The following NBEAL1 variants were observed in gnomAD, a reference collection of about 807,000 sequenced individuals.
The protein encoded by NBEAL1 is neurobeachin-like protein 1.
A neutral mutation model predicts 351.3 loss-of-function variants in NBEAL1; 273 were observed. The ratio of observed to expected loss-of-function variants is 0.78; its 90% CI spans 0.70 to 0.86. The LOEUF is 0.86. NBEAL1 is among the 40% of genes least tolerant of loss of function. The probability of loss-of-function intolerance (pLI) is 0.00; values close to 1 mark genes in which losing one functional copy is unlikely to be tolerated. For missense variants in NBEAL1, 2,961 were observed against 3,201.3 expected, an observed-to-expected ratio of 0.92 and a Z score of 1.81; for synonymous variants, 1,050 against 1,086.4, an observed-to-expected ratio of 0.97 and a Z score of 0.66.
chr2:203,173,441 T>C (rs1427960099), intron 41 of NBEAL1, among the ~76,000 whole-genome samples: 1 of 152,160 alleles, frequency 6.6e-6, no homozygotes, highest in Admixed American at 6.5e-5. Context: ...CCCTGTGAAC[T>C]TAGGGATGAC....
Position 203,201,624 on chromosome 2 carries a change from G to C in NBEAL1, c.7320G>C (p.Lys2440Asn), listed in dbSNP as rs753750483. The stretch of plus-strand genomic sequence containing the variant: ...TATTTGTAGTATCACATGATGCAAA[G>C]TTGCTCTTCAGTGCTGGATACTGGG... The part of the protein sequence containing the change: ...SKLFVVSHDA[K>N]LLFSAGYWDN... Residue 2440 changes from lysine to asparagine, a missense_variant, in exon 50 of 56, where the codon AAG becomes AAC. Lys to Asn is a moderately conservative substitution (Grantham distance 94). Coordinates refer to ENST00000683969, the MANE Select transcript of NBEAL1 (RefSeq NM_001378026.1). The C allele has an allele frequency of 3.1e-6, 5 of 1,612,770 alleles. No individual in the cohort carries two copies. The East Asian group carries it at 8.9e-5, about 29-fold the overall frequency.
chr2:203,190,395 T>C lies in NBEAL1; in HGVS notation c.6921+6T>C. On this transcript the variant is annotated splice_donor_region_variant and intron_variant, in intron 46 of 55. Transcript: ENST00000683969. ...CACCCTGTCAATTATTAAAGGTAAGTCAACAACTTAAGAAGTAGATTTAAG... is the reference window on the plus strand; with the variant it reads ...CACCCTGTCAATTATTAAAGGTAAGCCAACAACTTAAGAAGTAGATTTAAG... 4 of 1,578,764 alleles carry C rather than the reference T, an allele frequency of 2.5e-6. No individual in the cohort carries two copies. The highest frequency in any genetic ancestry group is 3.5e-6 in the Non-Finnish European group (4 of 1,155,342).
intron 51 of NBEAL1, among the ~76,000 whole-genome samples, chr2:203,207,105 G>GCCA (rs2065610142): frequency 6.7e-6 from 1 of 148,482 alleles, no homozygotes. Context: ...TCTCTGCCCG[G>GCCA]CCGCCCCGTC....
chr2:203,084,334 T>G, intron 9 of NBEAL1, 129 bp from the exon 10 acceptor site: 1 of 454,344 alleles, frequency 2.2e-6, no homozygotes, highest in Non-Finnish European at 3.9e-6. Flanking sequence ...TTTTGTGTGT[T>G]AGTGTCATTT....
intron 32 of NBEAL1, 38 bp downstream of exon 32, chr2:203,144,943 A>C: frequency 6.6e-7 from 1 of 1,525,180 alleles, no homozygotes; most frequent in Non-Finnish European, 8.8e-7. Flanking sequence ...TTTTCTGCTA[A>C]TTTACCATTT....
Position 203,223,986 on chromosome 2 carries a change from A to G in NBEAL1, c.*6632A>G, listed in dbSNP as rs549364148. On this transcript the variant is annotated 3_prime_UTR_variant, in exon 56 of 56. Coordinates refer to ENST00000683969, the MANE Select transcript of NBEAL1 (RefSeq NM_001378026.1). ...GAAAAACTGTCAGCGTCTGTTTTGT[A>G]TATAGGGATTAAAGAGGATAACTTT... is the stretch of plus-strand genomic sequence containing the variant. Among the ~76,000 whole-genome samples, 8 of 152,188 alleles carry G rather than the reference A, an allele frequency of 5.3e-5. No homozygotes were observed. In the South Asian group the frequency reaches 6.2e-4, roughly 12 times the overall value.
At chr2:203,032,934 G>T (rs1277868518) in intron 2 of NBEAL1, among the ~76,000 whole-genome samples, 2 of 151,514 alleles carry the variant, frequency 1.3e-5, no homozygotes, top group Non-Finnish European at 2.9e-5. Flanking sequence ...CAAAGTGCTG[G>T]GATTACAGGC....
intron 10 of NBEAL1, among the ~76,000 whole-genome samples, chr2:203,095,696 G>A (rs939801507): frequency 6.6e-6 from 1 of 152,078 alleles, no homozygotes; most frequent in African/African-American, 2.4e-5. Context: ...TGTTTCCCTT[G>A]ACCTAAATAT....
intron 8 of NBEAL1, among the ~76,000 whole-genome samples, chr2:203,078,882 A>G (rs2061824246): frequency 6.6e-6 from 1 of 152,204 alleles, no homozygotes; most frequent in Non-Finnish European, 1.5e-5. Flanking sequence ...TAATAAAACA[A>G]ATCTGTGACA....
Position 203,167,218 on chromosome 2 carries a change from C to G in NBEAL1, c.5864-9C>G. ...GGTATCTCAGTCACAAGATTTCTTC[C>G]GTTTTCAGGAGTAGGCTTTGATTTC... On this transcript the variant is annotated splice_polypyrimidine_tract_variant and intron_variant, in intron 37 of 55. Coordinates refer to ENST00000683969, the MANE Select transcript of NBEAL1 (RefSeq NM_001378026.1). 2 of 1,596,988 alleles carry G rather than the reference C, an allele frequency of 1.3e-6. No individual in the cohort carries two copies. The highest frequency in any genetic ancestry group is 2.7e-5 in the African/African-American group (2 of 73,890).
intron 2 of NBEAL1, among the ~76,000 whole-genome samples, chr2:203,033,239 A>C (rs923082757): frequency 1.3e-5 from 2 of 152,148 alleles, no homozygotes; most frequent in African/African-American, 2.4e-5. Context: ...TGACCTCGTG[A>C]TCTGCCCACC....
Position 203,202,775 on chromosome 2 carries a change from A to G in NBEAL1, c.7500A>G (p.Thr2500=), listed in dbSNP as rs775206371. 3.2e-6 allele frequency: 5 copies of G among 1,548,878 alleles called. No individual in the cohort carries two copies. The highest frequency in any genetic ancestry group is 3.6e-6 in the Non-Finnish European group (4 of 1,121,830). Reference sequence around the variant, plus strand: ...CTACATGTATGATATGGCAAATAACACAACAGGTAGTCACACATTTAAATG... The same window carrying G: ...CTACATGTATGATATGGCAAATAACGCAACAGGTAGTCACACATTTAAATG... ...RDTTCMIWQI[T]QQGGVPVGLA... The change falls in exon 51 of 56, where the codon ACA becomes ACG. Residue 2500 remains threonine (T), a synonymous_variant. Transcript: ENST00000683969.
intron 2 of NBEAL1, chr2:203,040,742 TG>T (rs1257955334): frequency 1.7e-6 from 1 of 579,884 alleles, no homozygotes; most frequent in Non-Finnish European, 3.3e-6. Context: ...TTCCACCTTT[TG>T]GTGACCCATC....
At chr2:203,039,195 C>G (rs892161817) in intron 2 of NBEAL1, among the ~76,000 whole-genome samples, 10 of 115,722 alleles carry the variant, frequency 8.6e-5, no homozygotes, top group Admixed American at 7.1e-4. Context: ...CTTTTCTTTC[C>G]TTTCCTTTCC....
intron 12 of NBEAL1, among the ~76,000 whole-genome samples, chr2:203,106,998 C>G (rs997370202): frequency 6.6e-6 from 1 of 152,162 alleles, no homozygotes; most frequent in African/African-American, 2.4e-5. Flanking sequence ...TTGGCAGGAA[C>G]TCTTTAATTG....
chr2:203,055,626 GTCTGTTAAT>G (rs1394700446), intron 4 of NBEAL1, among the ~76,000 whole-genome samples: 1 of 151,638 alleles, frequency 6.6e-6, no homozygotes, highest in Non-Finnish European at 1.5e-5. Flanking sequence ...ACCAGAAGAA[GTCTGTTAAT>G]TCTGTTAATT....
rs185205997 is a variant in NBEAL1, at chr2:203,151,984, G to T, written c.5587+395G>T. On this transcript the variant is annotated intron_variant, in intron 35 of 55. Transcript: ENST00000683969. ...TTCTTTTCTTTTTTTTGAGACAAAA[G>T]TCTCACTCTGTCGCCCAGGCTGAAG... Among the ~76,000 whole-genome samples, 13 of 151,686 alleles carry T rather than the reference G, an allele frequency of 8.6e-5. No homozygotes were observed. In the East Asian group the frequency reaches 2.5e-3, roughly 29 times the overall value.
intron 7 of NBEAL1, among the ~76,000 whole-genome samples, chr2:203,070,818 G>A (rs1024485178): frequency 2.0e-5 from 3 of 152,074 alleles, no homozygotes; most frequent in African/African-American, 7.2e-5. Flanking sequence ...TGAAGGATCC[G>A]CCCCTATGAT....
chr2:203,177,395 G>A (rs1241103201), intron 42 of NBEAL1, among the ~76,000 whole-genome samples: 1 of 148,622 alleles, frequency 6.7e-6, no homozygotes, highest in Non-Finnish European at 1.5e-5. Flanking sequence ...AAAAGAGGAA[G>A]GGGGAAGAGT....
Sources: gnomAD v4.1 joint callset for allele counts (sites outside exome capture counted in the v4.1 genomes callset) on GRCh38, gnomAD v4.1.1 for gene constraint, MANE v1.5 for transcripts, NCBI Gene and HGNC (gene_info 2026-07-23, HGNC 2026-07-21) for gene names.